WWP1: variants seen among roughly 807,000 people sequenced by gnomAD.
WWP1 encodes NEDD4-like E3 ubiquitin-protein ligase WWP1.
WWP1 carries 49 observed loss-of-function variants against 130.6 expected under a neutral mutation model. That is an observed-to-expected ratio of 0.38 (90% CI 0.30 to 0.48). The LOEUF (loss-of-function observed/expected upper bound fraction) is 0.48, where lower values mean the gene tolerates loss of function less well. WWP1 is among the 20% of genes least tolerant of loss of function. WWP1 has a pLI of 0.99. For missense variants in WWP1, 809 were observed against 1,100.6 expected (o/e 0.74, Z 3.75); for synonymous variants, 332 against 367.8 (o/e 0.90, Z 1.11).
At chr8:86,389,329 G>A (rs550946891) in intron 5 of WWP1, among the ~76,000 whole-genome samples, 16 of 152,070 alleles carry the variant, frequency 1.1e-4, no homozygotes, top group Middle Eastern at 3.4e-3. Flanking sequence ...TGTGTCCCTG[G>A]GTACTTGAGA....
At chr8:86,452,220 G>C (rs1022816036) in intron 20 of WWP1, among the ~76,000 whole-genome samples, 1 of 152,066 alleles carries the variant, frequency 6.6e-6, no homozygotes, top group African/African-American at 2.4e-5. Flanking sequence ...GGATTTATTT[G>C]TCTAGATATA....
chr8:86,386,151 G>A (rs562106420), intron 5 of WWP1, among the ~76,000 whole-genome samples: 1 of 152,242 alleles, frequency 6.6e-6, no homozygotes, highest in Non-Finnish European at 1.5e-5. Flanking sequence ...GCTTTGCTGG[G>A]TCTCCTGTAC....
At chr8:86,436,982 C>G (rs1810323485) in intron 16 of WWP1, among the ~76,000 whole-genome samples, 2 of 151,808 alleles carry the variant, frequency 1.3e-5, no homozygotes, top group African/African-American at 2.4e-5. Flanking sequence ...AAATTCTTAG[C>G]AAACTAAGTG....
chr8:86,384,199 A>G (rs1161497474), intron 5 of WWP1, among the ~76,000 whole-genome samples: 2 of 152,208 alleles, frequency 1.3e-5, no homozygotes, highest in African/African-American at 4.8e-5. Flanking sequence ...TCGAGTCTCT[A>G]AAAACGTCAC....
chr8:86,458,798 G>A (rs1339286801), intron 22 of WWP1, among the ~76,000 whole-genome samples: 1 of 151,984 alleles, frequency 6.6e-6, no homozygotes, highest in East Asian at 1.9e-4. Flanking sequence ...TTTATTGCTT[G>A]ATATTTTAAA....
intron 1 of WWP1, among the ~76,000 whole-genome samples, chr8:86,355,943 A>C (rs1350967579): frequency 6.6e-6 from 1 of 152,192 alleles, no homozygotes; most frequent in Non-Finnish European, 1.5e-5. Context: ...AGCCCAAGGA[A>C]ATCTGGCTTC....
At chr8:86,421,103 G>A (rs1054507295) in intron 9 of WWP1, among the ~76,000 whole-genome samples, 7 of 152,096 alleles carry the variant, frequency 4.6e-5, no homozygotes, top group Non-Finnish European at 8.8e-5. Flanking sequence ...CTTCTTTCCC[G>A]TGAGCTTTTT....
In WWP1 at chr8:86,412,935, TCTG is replaced by T. The variant is rs1393874580; in HGVS notation, c.1061+1066_1061+1068del. 3.9e-5 allele frequency among the ~76,000 whole-genome samples: 6 copies of T among 152,104 alleles called. No homozygotes were observed. In the East Asian group the frequency reaches 1.2e-3, roughly 29 times the overall value. On this transcript the variant is annotated intron_variant, in intron 9 of 24. Transcript: ENST00000517970. ...CTTCCGCCTCCCAGGTTCAAGTGAG[TCTG>T]CTGCCTTAGCCTCCCAAGTGGCTGG...
intron 24 of WWP1, among the ~76,000 whole-genome samples, chr8:86,464,912 TGC>T (rs1281838396): frequency 1.5e-5 from 2 of 137,668 alleles, no homozygotes; most frequent in African/African-American, 5.1e-5. Flanking sequence ...TATACACACA[TGC>T]GCGCGCGTGT....
intron 1 of WWP1, among the ~76,000 whole-genome samples, chr8:86,357,156 A>G (rs1823309974): frequency 6.6e-6 from 1 of 152,212 alleles, no homozygotes; most frequent in Admixed American, 6.5e-5. Flanking sequence ...AAGTAATTCT[A>G]AGCTAAAAAT....
At chr8:86,360,095 T>G (rs1586254108) in intron 1 of WWP1, among the ~76,000 whole-genome samples, 1 of 151,266 alleles carries the variant, frequency 6.6e-6, no homozygotes, top group East Asian at 2.0e-4. Flanking sequence ...CCTCTAAATA[T>G]CTTTTACGCT....
At chr8:86,451,991 G>C (rs547037595) in intron 20 of WWP1, among the ~76,000 whole-genome samples, 2 of 152,252 alleles carry the variant, frequency 1.3e-5, no homozygotes, top group South Asian at 4.2e-4. Flanking sequence ...TAAAACAGCA[G>C]GTAAAGAACC....
intron 7 of WWP1, among the ~76,000 whole-genome samples, chr8:86,400,018 T>C (rs73271033): frequency 0.047 from 7,155 of 152,106 alleles, 248 homozygotes; most frequent in African/African-American, 0.092. Flanking sequence ...CCCATGAAAT[T>C]TACATTCTGA....
At chr8:86,452,507 A>G in intron 20 of WWP1, 52 bp from the exon 21 acceptor site, 1 of 1,497,744 alleles carries the variant, frequency 6.7e-7, no homozygotes, top group Non-Finnish European at 9.1e-7. Flanking sequence ...GTTTTTAAGT[A>G]TTTTACTTCA....
At chr8:86,390,430 C>T (rs569402056) in intron 5 of WWP1, among the ~76,000 whole-genome samples, 4 of 152,098 alleles carry the variant, frequency 2.6e-5, no homozygotes, top group Non-Finnish European at 5.9e-5. Flanking sequence ...AGCGAGACTC[C>T]GTCTGCAATC....
rs1385408181 is a variant in WWP1 at position 86,432,579 on chromosome 8, CT to C, written c.1601+839del. Among the ~76,000 whole-genome samples the C allele has an allele frequency of 1.1e-4, 17 of 151,432 alleles. No homozygotes were observed. In the East Asian group the frequency reaches 3.3e-3, roughly 29 times the overall value. ...AAAAAAAAGAAATTACAACTCTTCC[CT>C]TTACCAATGTGTTCAATCGCAGTTC... On this transcript the variant is annotated intron_variant, in intron 14 of 24. Transcript: ENST00000517970.
At chr8:86,458,937 C>T (rs993353933) in intron 22 of WWP1, among the ~76,000 whole-genome samples, 7 of 151,710 alleles carry the variant, frequency 4.6e-5, no homozygotes, top group Non-Finnish European at 4.4e-5. Flanking sequence ...AAATGTCCAT[C>T]AGGAGAGTAC....
intron 22 of WWP1, among the ~76,000 whole-genome samples, 164 bp from the exon 23 acceptor site, chr8:86,461,060 C>T (rs1377306849): frequency 6.6e-6 from 1 of 152,022 alleles, no homozygotes; most frequent in Non-Finnish European, 1.5e-5. Context: ...CCGCCTGCTT[C>T]GGCCTCCCAA....
At chr8:86,371,058 G>A (rs903541812) in intron 2 of WWP1, among the ~76,000 whole-genome samples, 1 of 112,066 alleles carries the variant, frequency 8.9e-6, no homozygotes, top group African/African-American at 3.4e-5. Context: ...TTTTTTTTTT[G>A]GTAGAGGCGA....
Sources: gnomAD v4.1 joint callset for allele counts (sites outside exome capture counted in the v4.1 genomes callset) on GRCh38, gnomAD v4.1.1 for gene constraint, MANE v1.5 for transcripts, NCBI Gene and HGNC (gene_info 2026-07-23, HGNC 2026-07-21) for gene names.